Variants in PRR23C observed in about 807,000 individuals in gnomAD.
The protein encoded by PRR23C is proline-rich protein 23C.
PRR23C carries 1 observed loss-of-function variant against 0.1 expected under a neutral mutation model. The ratio of observed to expected loss-of-function variants is 6.80; its 90% CI spans 2.41 to 32.24. The LOEUF is 32.24. PRR23C is among the 30% of genes most tolerant of loss of function. The probability of loss-of-function intolerance (pLI) is 0.11; values close to 1 mark genes in which losing one functional copy is unlikely to be tolerated. For synonymous variants in PRR23C, 172 were observed against 168.1 expected, an observed-to-expected ratio of 1.02 and a Z score of -0.18; for missense variants, 361 against 370.4, an observed-to-expected ratio of 0.97 and a Z score of 0.21.
chr3:139,044,190 G>A lies in PRR23C; in HGVS notation c.431C>T (p.Ser144Phe). 1 of 1,613,462 alleles carries A rather than the reference G, an allele frequency of 6.2e-7. No individual in the cohort carries two copies. The highest frequency in any genetic ancestry group is 8.5e-7 in the Non-Finnish European group (1 of 1,179,692). Residue 144 changes from serine (S) to phenylalanine (F), a missense_variant, in exon 1 of 1, where the codon TCT becomes TTT. Physicochemically the swap from Ser to Phe is radical, Grantham distance 155. Transcript: ENST00000413199. This position sits in a 1 kb window ranked among gnomAD's most constrained non-coding sequence, Gnocchi z 7.5. ...TTCCTCGGCAGCGATCTCTGGGACA[G>A]ATGCGCAGACTTCCTGCTCGACGAC... ...DVVVEQEVCA[S>F]VPEIAAEEEA...
In PRR23C at chr3:139,044,399, C is replaced by G. The variant is rs139317074; in HGVS notation, c.222G>C (p.Glu74Asp). 4.1e-5 allele frequency: 64 copies of G among 1,573,938 alleles called. No homozygotes were observed. The Middle Eastern group carries it at 8.4e-4, about 21-fold the overall frequency. The change falls in exon 1 of 1, where the codon GAG becomes GAC. Residue 74 changes from glutamate (E) to aspartate (D), a missense_variant. Glu to Asp is a conservative substitution (Grantham distance 45). Transcript: ENST00000413199. The surrounding 1 kb of genome is among the most constrained non-coding windows in gnomAD (Gnocchi z 7.5). ...CGAGCTCCAGCACCAGGTCGACGTC[C>G]TCCAGGGGCACACGCAGGGCACAGC... ...DAGCALRVPL[E>D]DVDLVLELAP...
Position 139,044,626 on chromosome 3 carries a change from CGACGGCGCTGCG to C in PRR23C, c.-18_-7del. On this transcript the variant is annotated 5_prime_UTR_variant, in exon 1 of 1. Transcript: ENST00000413199. This position sits in a 1 kb window ranked among gnomAD's most constrained non-coding sequence, Gnocchi z 7.5. ...CTGCAGGGCCGGCTGCCCATCACCT[CGACGGCGCTGCG>C]GACGGCGCTCCTGGGCCTGGCAGGG... 6.7e-7 allele frequency: 1 copy of C among 1,494,536 alleles called. No homozygotes were observed. Among genetic ancestry groups the C allele is most frequent in the African/African-American group, 1.4e-5 (1 of 69,080 alleles). The allele number at this position is 1,494,536 out of a possible 1,614,324, so 92.6% of individuals were successfully genotyped here.
At position 139,044,760 on chromosome 3, in the gene PRR23C, G is replaced by C; in HGVS notation, c.-140C>G. 1 of 966,844 alleles carries C rather than the reference G, an allele frequency of 1.0e-6. No homozygotes were observed. Among genetic ancestry groups the C allele is most frequent in the South Asian group, 2.0e-5 (1 of 49,920 alleles). 59.9% of individuals were successfully genotyped at this position (966,844 alleles called of 1,614,324 possible). A position where few individuals can be genotyped will look rare whatever the true frequency, so the allele number is the denominator to read the frequency against. ...GCGGGGCGAGTCCTCGGAGCTCTGG[G>C]GGCGCCTCCCGGAGATCGGAGTCGG... On this transcript the variant is annotated 5_prime_UTR_variant, in exon 1 of 1. Transcript: ENST00000413199. This position sits in a 1 kb window ranked among gnomAD's most constrained non-coding sequence, Gnocchi z 7.5.
chr3:139,042,216 A>G lies in PRR23C; in HGVS notation c.*1616T>C, dbSNP rs933428094. ...TTCTCAAGTCCTCATAAAGCATCCA[A>G]TTGTTTTAAATCCCTGAAGCCCAAA... is the stretch of plus-strand genomic sequence containing the variant. On this transcript the variant is annotated 3_prime_UTR_variant, in exon 1 of 1. Coordinates refer to ENST00000413199, the MANE Select transcript of PRR23C (RefSeq NM_001134657.1). 6 of 152,224 alleles carry G rather than the reference A, an allele frequency of 3.9e-5. No individual in the cohort carries two copies. Among genetic ancestry groups the G allele is most frequent in the African/African-American group, 7.2e-5 (3 of 41,534 alleles). The allele number at this position is 152,224 out of a possible 1,614,324, so 9.4% of individuals were successfully genotyped here. A position where few individuals can be genotyped will look rare whatever the true frequency, so the allele number is the denominator to read the frequency against.
rs1051852181 is a variant in PRR23C, at chr3:139,042,654, G to A, written c.*1178C>T. 4 of 152,126 alleles carry A rather than the reference G, an allele frequency of 2.6e-5. No individual in the cohort carries two copies. Among genetic ancestry groups the A allele is most frequent in the Non-Finnish European group, 5.9e-5 (4 of 68,028 alleles). The allele number at this position is 152,126 out of a possible 1,614,324, so 9.4% of individuals were successfully genotyped here. On this transcript the variant is annotated 3_prime_UTR_variant, in exon 1 of 1. Transcript: ENST00000413199. The stretch of plus-strand genomic sequence containing the variant: ...AAAAAAGACAATATTCTCATTATTT[G>A]GAGATATTGTTTTTATCAATCAATC...
chr3:139,043,723 C>T lies in PRR23C; in HGVS notation c.*109G>A, dbSNP rs1453072278. On this transcript the variant is annotated 3_prime_UTR_variant, in exon 1 of 1. Coordinates refer to ENST00000413199, the MANE Select transcript of PRR23C (RefSeq NM_001134657.1). ...AGCCTGTATCAAAAAAGCATCTATC[C>T]GTTATCCACTCTCCGAGATCCTTGT... The T allele has an allele frequency of 3.0e-6, 3 of 1,015,868 alleles. No homozygotes were observed. The highest frequency in any genetic ancestry group is 2.7e-5 in the East Asian group (1 of 37,416). The allele number at this position is 1,015,868 out of a possible 1,614,324, so 62.9% of individuals were successfully genotyped here. A position where few individuals can be genotyped will look rare whatever the true frequency, so the allele number is the denominator to read the frequency against.
chr3:139,044,281 C>T lies in PRR23C; in HGVS notation c.340G>A (p.Ala114Thr). Reference sequence around the variant, plus strand: ...AGGCCGGCAGACCAGTCGCCCTGCGCTCCTGAGCATTCGTCGACGGAGCTC... The same window carrying T: ...AGGCCGGCAGACCAGTCGCCCTGCGTTCCTGAGCATTCGTCGACGGAGCTC... ...LLSSVDECSG[A>T]QGDWSAGLEV... The change falls in exon 1 of 1, where the codon GCG becomes ACG. Residue 114 changes from alanine (A) to threonine (T), a missense_variant. By Grantham distance (58) the Ala-to-Thr change is moderately conservative. Transcript: ENST00000413199. This position sits in a 1 kb window ranked among gnomAD's most constrained non-coding sequence, Gnocchi z 7.5. The T allele has an allele frequency of 6.2e-7, 1 of 1,609,394 alleles. No individual in the cohort carries two copies.
Position 139,044,412 on chromosome 3 carries a change from C to T in PRR23C, c.209G>A (p.Arg70His). The change falls in exon 1 of 1, where the codon CGT becomes CAT. Residue 70 changes from arginine (R) to histidine (H), a missense_variant. Coordinates refer to ENST00000413199, the MANE Select transcript of PRR23C (RefSeq NM_001134657.1). The surrounding 1 kb of genome is among the most constrained non-coding windows in gnomAD (Gnocchi z 7.5). ...CAGGTCGACGTCCTCCAGGGGCACACGCAGGGCACAGCCCGCGTCCAGGAC... is the reference window on the plus strand; with the variant it reads ...CAGGTCGACGTCCTCCAGGGGCACATGCAGGGCACAGCCCGCGTCCAGGAC... Reference protein sequence around the residue: ...MVVLDAGCALRVPLEDVDLVL... With the variant: ...MVVLDAGCALHVPLEDVDLVL... The T allele has an allele frequency of 1.9e-6, 3 of 1,566,550 alleles. No homozygotes were observed. The highest frequency in any genetic ancestry group is 2.6e-6 in the Non-Finnish European group (3 of 1,156,476).
In PRR23C at chr3:139,044,843, TG is replaced by T; in HGVS notation, c.-224del. ...GGCTCAGCCTCGCGCGATGGAAACT[TG>T]GGCCTTCCTGACGCAGACCCGGATG... On this transcript the variant is annotated 5_prime_UTR_variant, in exon 1 of 1. Coordinates refer to ENST00000413199, the MANE Select transcript of PRR23C (RefSeq NM_001134657.1). This position sits in a 1 kb window ranked among gnomAD's most constrained non-coding sequence, Gnocchi z 7.5. 1 of 540,732 alleles carries T rather than the reference TG, an allele frequency of 1.8e-6. No homozygotes were observed. The highest frequency in any genetic ancestry group is 3.2e-6 in the Non-Finnish European group (1 of 310,614). The allele number at this position is 540,732 out of a possible 1,614,324, so 33.5% of individuals were successfully genotyped here.
chr3:139,044,609 C>T lies in PRR23C; in HGVS notation c.12G>A (p.Arg4=). The change falls in exon 1 of 1, where the codon CGG becomes CGA. Residue 4 remains arginine (R), a synonymous_variant. Coordinates refer to ENST00000413199, the MANE Select transcript of PRR23C (RefSeq NM_001134657.1). The surrounding 1 kb of genome is among the most constrained non-coding windows in gnomAD (Gnocchi z 7.5). ...CAAGGCAGGCGCTGGGGCTGCAGGG[C>T]CGGCTGCCCATCACCTCGACGGCGC... MGS[R]PCSPSACLAP... is the part of the protein sequence containing the mutation. 3 of 1,518,562 alleles carry T rather than the reference C, an allele frequency of 2.0e-6. No individual in the cohort carries two copies. In the South Asian group the frequency reaches 3.7e-5, roughly 19 times the overall value. 94.1% of individuals were successfully genotyped at this position (1,518,562 alleles called of 1,614,324 possible). A position where few individuals can be genotyped will look rare whatever the true frequency, so the allele number is the denominator to read the frequency against.
In PRR23C at chr3:139,044,653, G is replaced by A; in HGVS notation, c.-33C>T. The A allele has an allele frequency of 6.8e-7, 1 of 1,461,838 alleles. No individual in the cohort carries two copies. The highest frequency in any genetic ancestry group is 9.0e-7 in the Non-Finnish European group (1 of 1,116,682). The allele number at this position is 1,461,838 out of a possible 1,614,324, so 90.6% of individuals were successfully genotyped here. ...ACGGCGCTGCGGACGGCGCTCCTGGGCCTGGCAGGGGACGTGGGTGCGGGG... is the reference window on the plus strand; with the variant it reads ...ACGGCGCTGCGGACGGCGCTCCTGGACCTGGCAGGGGACGTGGGTGCGGGG... On this transcript the variant is annotated 5_prime_UTR_variant, in exon 1 of 1. Transcript: ENST00000413199. The surrounding 1 kb of genome is among the most constrained non-coding windows in gnomAD (Gnocchi z 7.5).
rs1229886753 is a variant in PRR23C, at chr3:139,043,035, G to A, written c.*797C>T. On this transcript the variant is annotated 3_prime_UTR_variant, in exon 1 of 1. Transcript: ENST00000413199. ...TTGCACTCCAGCCTAGGCAACAAGA[G>A]TGAAACTCTTGTCTCAAAAAACAAA... 6.6e-6 allele frequency: 1 copy of A among 152,252 alleles called. No individual in the cohort carries two copies. The highest frequency in any genetic ancestry group is 1.5e-5 in the Non-Finnish European group (1 of 68,122). The allele number at this position is 152,252 out of a possible 1,614,324, so 9.4% of individuals were successfully genotyped here. A position where few individuals can be genotyped will look rare whatever the true frequency, so the allele number is the denominator to read the frequency against.
chr3:139,042,157 C>G lies in PRR23C; in HGVS notation c.*1675G>C, dbSNP rs1937149086. On this transcript the variant is annotated 3_prime_UTR_variant, in exon 1 of 1. Coordinates refer to ENST00000413199, the MANE Select transcript of PRR23C (RefSeq NM_001134657.1). ...TAACATTTAAAACCTTAAATGCACC[C>G]TACAGTTACTGCCTTTCTCCTTCCA... The G allele has an allele frequency of 6.6e-6, 1 of 152,108 alleles. No homozygotes were observed. The highest frequency in any genetic ancestry group is 6.5e-5 in the Admixed American group (1 of 15,280). The allele number at this position is 152,108 out of a possible 1,614,324, so 9.4% of individuals were successfully genotyped here.
At position 139,044,426 on chromosome 3, in the gene PRR23C, C is replaced by A; in HGVS notation, c.195G>T (p.Ala65=). ...CCAGGGGCACACGCAGGGCACAGCC[C>A]GCGTCCAGGACCACCATGGAGGTGA... ...DALTSMVVLD[A]GCALRVPLED... Residue 65 remains alanine, a synonymous_variant, in exon 1 of 1, where the codon GCG becomes GCT. Transcript: ENST00000413199. This position sits in a 1 kb window ranked among gnomAD's most constrained non-coding sequence, Gnocchi z 7.5. The A allele has an allele frequency of 6.4e-7, 1 of 1,558,364 alleles. No homozygotes were observed. The highest frequency in any genetic ancestry group is 1.4e-5 in the African/African-American group (1 of 73,476).
In PRR23C at chr3:139,043,718, C is replaced by T; in HGVS notation, c.*114G>A. ...AACGCAGCCTGTATCAAAAAAGCAT[C>T]TATCCGTTATCCACTCTCCGAGATC... is the stretch of plus-strand genomic sequence containing the variant. On this transcript the variant is annotated 3_prime_UTR_variant, in exon 1 of 1. Transcript: ENST00000413199. 9.2e-6 allele frequency: 9 copies of T among 978,158 alleles called. No homozygotes were observed. The South Asian group carries it at 1.8e-4, about 19-fold the overall frequency. 60.6% of individuals were successfully genotyped at this position (978,158 alleles called of 1,614,324 possible). A position where few individuals can be genotyped will look rare whatever the true frequency, so the allele number is the denominator to read the frequency against.
chr3:139,043,930 G>A, the PRR23C span: 1 of 1,603,320 alleles, frequency 6.2e-7, no homozygotes, highest in South Asian at 1.1e-5. Context: ...GGTAGAGGTT[G>A]GAGAGGTGAG....
Position 139,044,212 on chromosome 3 carries a change from C to T in PRR23C, c.409G>A (p.Val137Ile). 6 of 1,612,722 alleles carry T rather than the reference C, an allele frequency of 3.7e-6. No homozygotes were observed. The highest frequency in any genetic ancestry group is 5.1e-6 in the Non-Finnish European group (6 of 1,179,350). Residue 137 changes from valine (V) to isoleucine (I), a missense_variant, in exon 1 of 1, where the codon GTC becomes ATC. Coordinates refer to ENST00000413199, the MANE Select transcript of PRR23C (RefSeq NM_001134657.1). The surrounding 1 kb of genome is among the most constrained non-coding windows in gnomAD (Gnocchi z 7.5). ...ACAGATGCGCAGACTTCCTGCTCGA[C>T]GACGACGTCTTCCCCGTGAGCGCCC... ...FLGAHGEDVV[V>I]EQEVCASVPE...
At position 139,043,785 on chromosome 3, in the gene PRR23C, C is replaced by T. The variant is rs1211136941; in HGVS notation, c.*47G>A. On this transcript the variant is annotated 3_prime_UTR_variant, in exon 1 of 1. Coordinates refer to ENST00000413199, the MANE Select transcript of PRR23C (RefSeq NM_001134657.1). ...CATACACACAACGGCTATCAGGAGA[C>T]GGTCTCCTGGAGCCCAGCAGGGTGG... 6.9e-7 allele frequency: 1 copy of T among 1,459,104 alleles called. No homozygotes were observed. The highest frequency in any genetic ancestry group is 2.7e-5 in the Admixed American group (1 of 37,540). The allele number at this position is 1,459,104 out of a possible 1,614,324, so 90.4% of individuals were successfully genotyped here. A position where few individuals can be genotyped will look rare whatever the true frequency, so the allele number is the denominator to read the frequency against.
Position 139,044,731 on chromosome 3 carries a change from C to T in PRR23C, c.-111G>A. 1 of 1,233,512 alleles carries T rather than the reference C, an allele frequency of 8.1e-7. No homozygotes were observed. Among genetic ancestry groups the T allele is most frequent in the Non-Finnish European group, 1.1e-6 (1 of 928,988 alleles). 76.4% of individuals were successfully genotyped at this position (1,233,512 alleles called of 1,614,324 possible). A position where few individuals can be genotyped will look rare whatever the true frequency, so the allele number is the denominator to read the frequency against. On this transcript the variant is annotated 5_prime_UTR_variant, in exon 1 of 1. Coordinates refer to ENST00000413199, the MANE Select transcript of PRR23C (RefSeq NM_001134657.1). The surrounding 1 kb of genome is among the most constrained non-coding windows in gnomAD (Gnocchi z 7.5). ...GGTAACAGGTGTCGGCAGGACCGCG[C>T]GACGCGGGGCGAGTCCTCGGAGCTC...
Sources: allele counts gnomAD v4.1 joint callset, GRCh38; gene constraint gnomAD v4.1.1; non-coding constraint Gnocchi (gnomAD v3.1); transcripts MANE v1.5; gene names NCBI Gene and HGNC (gene_info 2026-07-23, HGNC 2026-07-21).